STK33: variants seen among roughly 807,000 people sequenced by gnomAD.
STK33 encodes the protein serine/threonine kinase 33.
In STK33, 52 loss-of-function variants were observed where a neutral mutation model predicts 58.0. The observed-to-expected ratio is 0.90, with a 90% CI of 0.72 to 1.13. The LOEUF (loss-of-function observed/expected upper bound fraction) is 1.13, where lower values mean the gene tolerates loss of function less well. Among genes scored for constraint, STK33 ranks in the 50% most tolerant of loss-of-function variants. STK33 has a pLI of 0.00. For missense variants in STK33, 630 were observed against 604.2 expected (o/e 1.04, Z -0.45); for synonymous variants, 215 against 200.1 (o/e 1.07, Z -0.63).
At chr11:8,364,644 C>T in the STK33 span, among the ~76,000 whole-genome samples, 1 of 152,204 alleles carries the variant, frequency 6.6e-6, no homozygotes, top group Admixed American at 6.5e-5. Flanking sequence ...GAGACTGAAA[C>T]TGCTTAATTA....
chr11:8,487,802 GC>G (rs1950293673), intron 1 of STK33, among the ~76,000 whole-genome samples: 1 of 152,038 alleles, frequency 6.6e-6, no homozygotes, highest in Admixed American at 6.6e-5. Context: ...ATCCACAAAA[GC>G]AATGAAAAAA....
At chr11:8,536,994 T>TTC in intron 1 of STK33, among the ~76,000 whole-genome samples, 1 of 132,808 alleles carries the variant, frequency 7.5e-6, no homozygotes, top group Non-Finnish European at 1.6e-5. Context: ...TTTTTTTTTT[T>TTC]TTTTGTGACA....
At chr11:8,357,107 C>T in the STK33 span, among the ~76,000 whole-genome samples, 1 of 152,262 alleles carries the variant, frequency 6.6e-6, no homozygotes, top group East Asian at 1.9e-4. Flanking sequence ...GCAGGGCTGT[C>T]ATCAGACTCA....
chr11:8,394,756 T>C (rs1441230833), intron 15 of STK33, among the ~76,000 whole-genome samples: 1 of 152,170 alleles, frequency 6.6e-6, no homozygotes, highest in Non-Finnish European at 1.5e-5. Context: ...TCTGGCAAAG[T>C]GGAAGGAAAA....
At chr11:8,518,055 T>C (rs1007230818) in intron 1 of STK33, among the ~76,000 whole-genome samples, 11 of 151,922 alleles carry the variant, frequency 7.2e-5, no homozygotes, top group Middle Eastern at 3.2e-3. Flanking sequence ...TCACCAAAGT[T>C]GAAATGAAGG....
At chr11:8,449,745 G>A (rs916207290) in intron 11 of STK33, among the ~76,000 whole-genome samples, 20 of 152,022 alleles carry the variant, frequency 1.3e-4, no homozygotes, top group South Asian at 6.2e-4. Context: ...TAACCTGCAC[G>A]TTGTGCACAT....
At chr11:8,435,651 A>G in intron 13 of STK33, 72 bp from the exon 14 acceptor site, 1 of 896,352 alleles carries the variant, frequency 1.1e-6, no homozygotes, top group Non-Finnish European at 1.6e-6. Flanking sequence ...ACAATTTTTT[A>G]GGATTAGGTC....
chr11:8,526,258 G>C (rs1235220478), intron 1 of STK33, among the ~76,000 whole-genome samples: 1 of 152,104 alleles, frequency 6.6e-6, no homozygotes, highest in Non-Finnish European at 1.5e-5. Context: ...GCTGGTCATG[G>C]TGTCAAGCCT....
At position 8,404,523 on chromosome 11, in the gene STK33, G is replaced by A. The variant is rs185157371; in HGVS notation, c.1344+8972C>T. Among the ~76,000 whole-genome samples the A allele has an allele frequency of 1.6e-3, 236 of 152,222 alleles. 1 individual carries two copies. Among genetic ancestry groups the A allele is most frequent in the Middle Eastern group, 6.8e-3 (2 of 294 alleles). ...AAACTTCATATACATGAAAAAGAAT[G>A]CATTATGTACTCTTTTATATCTGAG... is the stretch of plus-strand genomic sequence containing the variant. On this transcript the variant is annotated intron_variant, in intron 15 of 15. Coordinates refer to ENST00000687296, the MANE Select transcript of STK33 (RefSeq NM_001352389.2).
At chr11:8,468,376 T>C (rs1263864389) in intron 6 of STK33, among the ~76,000 whole-genome samples, 3 of 152,134 alleles carry the variant, frequency 2.0e-5, no homozygotes, top group African/African-American at 7.2e-5. Flanking sequence ...CCAAACCATA[T>C]CACCATGCAA....
chr11:8,566,719 T>G (rs1391539903), intron 1 of STK33, among the ~76,000 whole-genome samples: 1 of 152,212 alleles, frequency 6.6e-6, no homozygotes, highest in East Asian at 1.9e-4. Context: ...ACAGCATACT[T>G]CTTTAATTTA....
chr11:8,366,960 G>A, the STK33 span, among the ~76,000 whole-genome samples: 1 of 152,314 alleles, frequency 6.6e-6, no homozygotes, highest in South Asian at 2.1e-4. Flanking sequence ...TGTACAGTGT[G>A]TGTGTGTGAG....
intron 1 of STK33, among the ~76,000 whole-genome samples, chr11:8,545,274 A>T (rs1010178642): frequency 1.3e-5 from 2 of 152,166 alleles, no homozygotes; most frequent in African/African-American, 4.8e-5. Flanking sequence ...ACAACCAGTG[A>T]GGGTGTTGAT....
the STK33 span, among the ~76,000 whole-genome samples, chr11:8,337,311 C>T: frequency 6.6e-6 from 1 of 152,198 alleles, no homozygotes; most frequent in Admixed American, 6.5e-5. Flanking sequence ...TTCCTTTGTG[C>T]CACATAAATG....
chr11:8,424,332 G>C (rs1232127565), intron 14 of STK33, among the ~76,000 whole-genome samples: 35 of 150,184 alleles, frequency 2.3e-4, no homozygotes, highest in Admixed American at 2.3e-3. Context: ...CATTTTTTAT[G>C]GCTGCATAGT....
chr11:8,520,574 T>A (rs1565258296), intron 1 of STK33, among the ~76,000 whole-genome samples: 1 of 152,220 alleles, frequency 6.6e-6, no homozygotes, highest in Non-Finnish European at 1.5e-5. Flanking sequence ...GCAGATGACA[T>A]GATTGTATAT....
chr11:8,574,435 C>A (rs1000345728), intron 1 of STK33, among the ~76,000 whole-genome samples: 3 of 152,100 alleles, frequency 2.0e-5, no homozygotes, highest in Admixed American at 6.5e-5. Context: ...GCCATAAATA[C>A]TTTTTCTTTT....
intron 15 of STK33, among the ~76,000 whole-genome samples, chr11:8,407,582 C>T (rs1939469402): frequency 6.6e-6 from 1 of 151,810 alleles, no homozygotes; most frequent in East Asian, 1.9e-4. Flanking sequence ...AGAAATTTGA[C>T]CATTTCATAT....
At chr11:8,533,158 T>C (rs1424194082) in intron 1 of STK33, among the ~76,000 whole-genome samples, 1 of 152,250 alleles carries the variant, frequency 6.6e-6, no homozygotes, top group Non-Finnish European at 1.5e-5. Context: ...CTCTAAACTT[T>C]GAGGTAATTT....
Sources: gnomAD v4.1 joint callset for allele counts (sites outside exome capture counted in the v4.1 genomes callset) on GRCh38, gnomAD v4.1.1 for gene constraint, MANE v1.5 for transcripts, NCBI Gene and HGNC (gene_info 2026-07-23, HGNC 2026-07-21) for gene names.